Variants in NMNAT3 observed in about 807,000 individuals in gnomAD.
NMNAT3 encodes nicotinamide/nicotinic acid mononucleotide adenylyltransferase 3.
Under a neutral mutation model 24.8 loss-of-function variants are expected in NMNAT3, and 21 were observed. That is an observed-to-expected ratio of 0.85 (90% CI 0.60 to 1.22). NMNAT3 has a LOEUF of 1.22. Ranked by LOEUF, NMNAT3 falls within the 50% of genes most tolerant of loss-of-function variation. NMNAT3 has a pLI of 0.00. For synonymous variants in NMNAT3, 136 were observed against 155.2 expected (o/e 0.88, Z 0.92); for missense variants, 387 against 436.6 (o/e 0.89, Z 1.01).
At chr3:139,673,648 T>G (rs1246708776) in intron 1 of NMNAT3, among the ~76,000 whole-genome samples, 5 of 152,040 alleles carry the variant, frequency 3.3e-5, no homozygotes, top group African/African-American at 1.2e-4. Flanking sequence ...TTGCTATGTG[T>G]GTATGTGCTT....
intron 2 of NMNAT3, 23 bp downstream of exon 3, chr3:139,634,588 C>A (rs2056431433): frequency 6.6e-6 from 1 of 152,134 alleles, no homozygotes; most frequent in Non-Finnish European, 1.5e-5. Flanking sequence ...CACAATGCTG[C>A]TAAAAACAAA....
chr3:139,650,753 C>A (rs2057030268), intron 1 of NMNAT3, among the ~76,000 whole-genome samples: 1 of 152,210 alleles, frequency 6.6e-6, no homozygotes, highest in Non-Finnish European at 1.5e-5. Context: ...GAGATCCCTT[C>A]TGTGAAAGCG....
intron 2 of NMNAT3, among the ~76,000 whole-genome samples, chr3:139,630,672 A>G (rs1212600621): frequency 6.6e-6 from 1 of 152,186 alleles, no homozygotes; most frequent in Non-Finnish European, 1.5e-5. Context: ...CTACAGTGTG[A>G]AGATGAAAAG....
intron 3 of NMNAT3, among the ~76,000 whole-genome samples, chr3:139,593,441 C>G (rs1446912682): frequency 2.6e-5 from 4 of 152,190 alleles, no homozygotes; most frequent in East Asian, 3.9e-4. Context: ...GAATTGAACT[C>G]AGCTCTGCAC....
intron 3 of NMNAT3, chr3:139,583,626 C>G: frequency 1.0e-6 from 1 of 953,018 alleles, no homozygotes; most frequent in South Asian, 1.3e-5. Context: ...ACAGCTATTT[C>G]TAAAACACAT....
chr3:139,613,842 G>T (rs1444414261), intron 3 of NMNAT3, among the ~76,000 whole-genome samples: 2 of 152,094 alleles, frequency 1.3e-5, no homozygotes, highest in Non-Finnish European at 2.9e-5. Flanking sequence ...GTAGGGACAT[G>T]GATGAAGCTG....
intron 6 of NMNAT3, chr3:139,565,631 T>C (rs1213056731): frequency 6.6e-6 from 1 of 152,046 alleles, no homozygotes; most frequent in Non-Finnish European, 1.5e-5. Flanking sequence ...TTTGTCCTTG[T>C]GATAGTTTGC....
At chr3:139,617,043 G>A (rs181187636) in intron 3 of NMNAT3, among the ~76,000 whole-genome samples, 2 of 152,258 alleles carry the variant, frequency 1.3e-5, no homozygotes, top group East Asian at 3.9e-4. Context: ...CCTGACTCCA[G>A]CGAACTTCAC....
intron 6 of NMNAT3, among the ~76,000 whole-genome samples, chr3:139,564,893 T>C (rs953761249): frequency 7.2e-5 from 11 of 152,258 alleles, no homozygotes; most frequent in Admixed American, 6.5e-4. Context: ...TATGTAAGTA[T>C]TTAAAGCAGA....
chr3:139,617,499 C>A (rs936945885), intron 3 of NMNAT3, among the ~76,000 whole-genome samples: 1 of 152,144 alleles, frequency 6.6e-6, no homozygotes, highest in African/African-American at 2.4e-5. Flanking sequence ...GCAGTACCCA[C>A]CTGGTAGGGC....
intron 3 of NMNAT3, among the ~76,000 whole-genome samples, chr3:139,605,680 T>C (rs573051831): frequency 5.8e-4 from 88 of 152,300 alleles, no homozygotes; most frequent in African/African-American, 2.1e-3. Context: ...ATGGTAGTGC[T>C]TGGATTTGAA....
At chr3:139,576,151 G>A in intron 5 of NMNAT3, 1 of 985,370 alleles carries the variant, frequency 1.0e-6, no homozygotes, top group South Asian at 4.7e-5. Flanking sequence ...TTTATCAAGA[G>A]GACACTAAAT....
At chr3:139,661,054 C>G (rs2057398681) in intron 1 of NMNAT3, among the ~76,000 whole-genome samples, 1 of 152,052 alleles carries the variant, frequency 6.6e-6, no homozygotes, top group Admixed American at 6.6e-5. Flanking sequence ...GGAGGAAAAC[C>G]CACCCAGCTG....
intron 3 of NMNAT3, among the ~76,000 whole-genome samples, chr3:139,597,186 A>G (rs934872629): frequency 6.6e-6 from 1 of 151,844 alleles, no homozygotes; most frequent in Admixed American, 6.6e-5. Flanking sequence ...TTGGAAAATA[A>G]TGGTGGTGAG....
At chr3:139,599,141 C>T (rs1003175324) in intron 3 of NMNAT3, 7 of 563,548 alleles carry the variant, frequency 1.2e-5, no homozygotes, top group Non-Finnish European at 2.2e-5. Context: ...ATTATTTCCA[C>T]AGAGAATGGC....
intron 1 of NMNAT3, among the ~76,000 whole-genome samples, chr3:139,674,440 A>G (rs1340851761): frequency 6.6e-6 from 1 of 152,206 alleles, no homozygotes; most frequent in Non-Finnish European, 1.5e-5. Context: ...GTCCATCTTT[A>G]CTGGGGAACC....
intron 3 of NMNAT3, among the ~76,000 whole-genome samples, chr3:139,623,167 A>T (rs1303367512): frequency 6.6e-6 from 1 of 152,114 alleles, no homozygotes; most frequent in Non-Finnish European, 1.5e-5. Context: ...ACAGATGTAT[A>T]AAAATATTTT....
At chr3:139,661,610 T>C (rs1028320775) in intron 1 of NMNAT3, among the ~76,000 whole-genome samples, 3 of 152,108 alleles carry the variant, frequency 2.0e-5, no homozygotes, top group African/African-American at 7.2e-5. Context: ...TTCAAGGTGA[T>C]AGTGAGCTAT....
intron 1 of NMNAT3, among the ~76,000 whole-genome samples, chr3:139,652,938 G>A (rs2057104252): frequency 6.6e-6 from 1 of 152,208 alleles, no homozygotes; most frequent in South Asian, 2.1e-4. Flanking sequence ...TCACCAGTGA[G>A]AGGCACATTC....
Sources: allele counts gnomAD v4.1 joint callset (sites outside exome capture counted in the v4.1 genomes callset), GRCh38; gene constraint gnomAD v4.1.1; transcripts MANE v1.5; gene names NCBI Gene and HGNC (gene_info 2026-07-23, HGNC 2026-07-21).